SUN5: variants seen among roughly 807,000 people sequenced by gnomAD.
The protein encoded by SUN5 is Sad1 and UNC84 domain containing 5, also known as SUN domain-containing protein 5.
Under a neutral mutation model 53.7 loss-of-function variants are expected in SUN5, and 44 were observed. The observed-to-expected ratio is 0.82, with a 90% CI of 0.64 to 1.05. The LOEUF (loss-of-function observed/expected upper bound fraction) is 1.05, where lower values mean the gene tolerates loss of function less well. SUN5 is among the 50% of genes least tolerant of loss of function. The pLI, the probability that SUN5 is intolerant of heterozygous loss-of-function variation, is 0.00. For synonymous variants in SUN5, 166 were observed against 179.8 expected (o/e 0.92, Z 0.62); for missense variants, 433 against 483.8 (o/e 0.90, Z 0.98).
intron 3 of SUN5, among the ~76,000 whole-genome samples, chr20:33,002,188 G>A (rs1230524597): frequency 6.6e-6 from 1 of 152,172 alleles, no homozygotes; most frequent in African/African-American, 2.4e-5. Flanking sequence ...GATGAATCAG[G>A]AGATAGATGA....
At chr20:33,001,623 T>C (rs1414753423) in intron 3 of SUN5, among the ~76,000 whole-genome samples, 25 of 146,788 alleles carry the variant, frequency 1.7e-4, no homozygotes, top group South Asian at 1.1e-3. Context: ...TCTTTCTTTT[T>C]CTTTTCTTTC....
At chr20:32,998,175 CAAAAAAAAAA>C (rs35729664) in intron 5 of SUN5, among the ~76,000 whole-genome samples, 1 of 59,718 alleles carries the variant, frequency 1.7e-5, no homozygotes, top group Non-Finnish European at 3.2e-5. Flanking sequence ...CCCATCTCTA[CAAAAAAAAAA>C]AAAAAAAAAA....
rs373927723 is a variant in SUN5, at chr20:32,999,871, G to C, written c.340+203C>G. ...ATGTTCATAACACGGTTTGGGGAGA[G>C]CTTTATAACTTCTGAAGCATTTCTT... On this transcript the variant is annotated intron_variant, in intron 5 of 12. Transcript: ENST00000356173. 5.4e-5 allele frequency: 83 copies of C among 1,524,024 alleles called. 1 individual carries two copies. Among genetic ancestry groups the C allele is most frequent in the East Asian group, 3.4e-4 (14 of 40,746 alleles). The allele number at this position is 1,524,024 out of a possible 1,614,324, so 94.4% of individuals were successfully genotyped here.
intron 8 of SUN5, 102 bp from the exon 9 acceptor site, chr20:32,989,800 C>T: frequency 1.0e-6 from 1 of 965,484 alleles, no homozygotes. Flanking sequence ...ACGCTGTCCT[C>T]TCCCTAACAG....
At chr20:32,997,148 GAA>G (rs1307346697) in intron 6 of SUN5, among the ~76,000 whole-genome samples, 3 of 152,204 alleles carry the variant, frequency 2.0e-5, no homozygotes, top group Admixed American at 6.5e-5. Context: ...TCATAAGGAG[GAA>G]AAGAGGAGAG....
chr20:33,000,436 A>C (rs1022154756), intron 4 of SUN5, among the ~76,000 whole-genome samples: 3 of 152,236 alleles, frequency 2.0e-5, no homozygotes, highest in Non-Finnish European at 4.4e-5. Flanking sequence ...AAACATTTAA[A>C]ATTTAAACTT....
intron 5 of SUN5, 38 bp from the exon 6 acceptor site, chr20:32,997,725 T>C: frequency 1.2e-6 from 2 of 1,612,278 alleles, no homozygotes; most frequent in Non-Finnish European, 1.7e-6. Flanking sequence ...CCATTTAACA[T>C]GCAAGATGAA....
chr20:32,986,147 A>T (rs922650367), intron 10 of SUN5, among the ~76,000 whole-genome samples: 1 of 152,210 alleles, frequency 6.6e-6, no homozygotes, highest in Admixed American at 6.5e-5. Context: ...CCCGCTCCCC[A>T]CTGGCACCCA....
intron 3 of SUN5, 38 bp downstream of exon 3, chr20:33,002,549 A>C (rs1224911615): frequency 1.9e-6 from 3 of 1,607,634 alleles, no homozygotes; most frequent in African/African-American, 1.3e-5. Flanking sequence ...CCCCAGACCC[A>C]TATTGATGAC....
chr20:32,992,591 T>C (rs1398875514), intron 8 of SUN5, among the ~76,000 whole-genome samples: 5 of 152,136 alleles, frequency 3.3e-5, no homozygotes, highest in Non-Finnish European at 7.4e-5. Flanking sequence ...CAAAAAAACA[T>C]AGATACACTG....
chr20:33,001,641 TCCTC>T (rs71190887), intron 3 of SUN5, among the ~76,000 whole-genome samples: 2,915 of 67,492 alleles, frequency 0.043, 296 homozygotes, highest in African/African-American at 0.15. Flanking sequence ...TTCTTTCTTT[TCCTC>T]CCTCCCTCCC....
intron 6 of SUN5, 113 bp from the exon 7 acceptor site, chr20:32,996,471 T>G (rs117098293): frequency 0.012 from 10,389 of 877,626 alleles, 139 homozygotes; most frequent in Non-Finnish European, 0.012. Flanking sequence ...TCATCCACTT[T>G]CCTGTTGACT....
chr20:32,998,724 A>C (rs1038491845), intron 5 of SUN5, among the ~76,000 whole-genome samples: 1 of 152,132 alleles, frequency 6.6e-6, no homozygotes, highest in Admixed American at 6.5e-5. Context: ...CAGTTAGTCA[A>C]GAAAAAGAAG....
chr20:32,991,201 G>A (rs941928153), intron 8 of SUN5, among the ~76,000 whole-genome samples: 35 of 152,304 alleles, frequency 2.3e-4, no homozygotes, highest in African/African-American at 8.2e-4. Context: ...CAGGTGCTGG[G>A]ACTGGCTTGA....
chr20:32,989,925 T>C (rs1452516042), intron 8 of SUN5, among the ~76,000 whole-genome samples: 2 of 152,118 alleles, frequency 1.3e-5, no homozygotes, highest in African/African-American at 4.8e-5. Context: ...CCAGATGTCA[T>C]ATGGAGGTCC....
chr20:32,985,891 G>A lies in SUN5; in HGVS notation c.742C>T (p.Pro248Ser). ...PDVILEPNVT[P>S]GNCWAFEGDR... The stretch of plus-strand genomic sequence containing the variant: ...CCCTCAAAGGCCCAGCAATTGCCAG[G>A]TGTCACGTTGGGCTAGAAGAGGCAA... Residue 248 changes from proline (P) to serine (S), a missense_variant, in exon 11 of 13, where the codon CCT (proline) becomes TCT (serine). Physicochemically the swap from Pro to Ser is moderately conservative, Grantham distance 74. Coordinates refer to ENST00000356173, the MANE Select transcript of SUN5 (RefSeq NM_080675.4). The A allele has an allele frequency of 6.2e-7, 1 of 1,613,916 alleles. No individual in the cohort carries two copies. The highest frequency in any genetic ancestry group is 8.5e-7 in the Non-Finnish European group (1 of 1,179,866).
intron 10 of SUN5, among the ~76,000 whole-genome samples, chr20:32,986,452 A>G (rs1989542306): frequency 6.6e-6 from 1 of 152,134 alleles, no homozygotes; most frequent in Non-Finnish European, 1.5e-5. Context: ...GAAATCACCC[A>G]GGAAAGGCGA....
chr20:32,992,987 C>G (rs750080057), intron 8 of SUN5, among the ~76,000 whole-genome samples: 3 of 152,182 alleles, frequency 2.0e-5, no homozygotes, highest in Non-Finnish European at 2.9e-5. Flanking sequence ...TTGGCAGCAT[C>G]TAATAACATG....
At position 32,985,588 on chromosome 20, in the gene SUN5, C is replaced by T. The variant is rs552891253; in HGVS notation, c.897+148G>A. The T allele has an allele frequency of 7.7e-5, 74 of 961,482 alleles. No individual in the cohort carries two copies. The African/African-American group carries it at 8.8e-4, about 11-fold the overall frequency. The allele number at this position is 961,482 out of a possible 1,614,324, so 59.6% of individuals were successfully genotyped here. ...CTTGAAGGCTGAAATTGGACCCCAG[C>T]GCTGGCCACTTCCAGCCTTAACCAA... On this transcript the variant is annotated intron_variant, in intron 11 of 12. Coordinates refer to ENST00000356173, the MANE Select transcript of SUN5 (RefSeq NM_080675.4).
Sources: gnomAD v4.1 joint callset for allele counts (sites outside exome capture counted in the v4.1 genomes callset) on GRCh38, gnomAD v4.1.1 for gene constraint, MANE v1.5 for transcripts, NCBI Gene and HGNC (gene_info 2026-07-23, HGNC 2026-07-21) for gene names.